GRID1: variants seen among roughly 807,000 people sequenced by gnomAD.
GRID1 encodes glutamate ionotropic receptor delta type subunit 1, also known as glutamate receptor ionotropic, delta-1.
GRID1 carries 28 observed loss-of-function variants against 98.0 expected under a neutral mutation model. The ratio of observed to expected loss-of-function variants is 0.29; its 90% CI spans 0.21 to 0.39. GRID1 has a LOEUF of 0.39. GRID1 is among the 10% of genes least tolerant of loss of function. The probability of loss-of-function intolerance (pLI) is 1.00; values close to 1 mark genes in which losing one functional copy is unlikely to be tolerated. For synonymous variants in GRID1, 553 were observed against 538.5 expected (o/e 1.03, Z -0.37); for missense variants, 1,111 against 1,340.5 (o/e 0.83, Z 2.67).
At chr10:85,664,120 C>T (rs1273157940) in intron 12 of GRID1, among the ~76,000 whole-genome samples, 3 of 152,086 alleles carry the variant, frequency 2.0e-5, no homozygotes, top group East Asian at 1.9e-4. Context: ...CTGAGAGGCC[C>T]GGGAGGGAGC....
chr10:86,034,412 A>C (rs1843227490), intron 4 of GRID1, among the ~76,000 whole-genome samples: 1 of 152,216 alleles, frequency 6.6e-6, no homozygotes, highest in African/African-American at 2.4e-5. Flanking sequence ...CCCTGCACAG[A>C]GATCACCTCA....
intron 3 of GRID1, among the ~76,000 whole-genome samples, chr10:86,181,741 T>G (rs1023709442): frequency 6.6e-6 from 1 of 152,212 alleles, no homozygotes; most frequent in Non-Finnish European, 1.5e-5. Context: ...GAAGAACCTC[T>G]GATTAAGAGA....
intron 2 of GRID1, among the ~76,000 whole-genome samples, chr10:86,233,532 G>T (rs1846489139): frequency 6.6e-6 from 1 of 152,120 alleles, no homozygotes; most frequent in Non-Finnish European, 1.5e-5. Context: ...TCACCCAGGG[G>T]AGCTGCCGGA....
At chr10:85,913,195 C>T (rs551933989) in intron 5 of GRID1, among the ~76,000 whole-genome samples, 1 of 152,268 alleles carries the variant, frequency 6.6e-6, no homozygotes, top group Admixed American at 6.5e-5. Context: ...AGTGTGCATA[C>T]CTGACCCCCA....
At chr10:86,038,371 C>T (rs151162418) in intron 4 of GRID1, among the ~76,000 whole-genome samples, 2 of 152,332 alleles carry the variant, frequency 1.3e-5, no homozygotes, top group African/African-American at 4.8e-5. Flanking sequence ...ATCTGAGACT[C>T]AGATTGAAAT....
At chr10:86,152,927 A>T (rs1269628578) in intron 3 of GRID1, among the ~76,000 whole-genome samples, 1 of 152,248 alleles carries the variant, frequency 6.6e-6, no homozygotes. Flanking sequence ...TTTAATTTAC[A>T]TAATTACTTT....
intron 12 of GRID1, among the ~76,000 whole-genome samples, chr10:85,694,545 G>GAT (rs1841367927): frequency 4.5e-5 from 4 of 88,870 alleles, no homozygotes; most frequent in African/African-American, 9.0e-5. Flanking sequence ...AAGAAAATGT[G>GAT]GTGTGTATAT....
At chr10:86,280,306 G>T (rs1031899706) in intron 2 of GRID1, among the ~76,000 whole-genome samples, 16 of 151,970 alleles carry the variant, frequency 1.1e-4, no homozygotes, top group African/African-American at 3.6e-4. Context: ...AGAGTATTTA[G>T]GGACTAGTCT....
intron 12 of GRID1, among the ~76,000 whole-genome samples, chr10:85,676,296 C>T (rs1468022782): frequency 6.6e-6 from 1 of 152,140 alleles, no homozygotes; most frequent in Non-Finnish European, 1.5e-5. Context: ...TTCCGCAGCC[C>T]ACAGCCAGCA....
rs563132762 is a variant in GRID1 at position 85,979,549 on chromosome 10, C to G, written c.727-63310G>C. On this transcript the variant is annotated intron_variant, in intron 4 of 15. Transcript: ENST00000327946. ...GCCATTTCTCTCTGTATCTTCACAT[C>G]ATCTTCCCTCTGTGTATGTCCTGAA... 6.2e-4 allele frequency among the ~76,000 whole-genome samples: 94 copies of G among 152,332 alleles called. 1 individual carries two copies. In the South Asian group the frequency reaches 9.1e-3, roughly 15 times the overall value.
At chr10:85,759,431 G>C (rs1314572911) in intron 8 of GRID1, among the ~76,000 whole-genome samples, 3 of 152,160 alleles carry the variant, frequency 2.0e-5, no homozygotes, top group Non-Finnish European at 4.4e-5. Flanking sequence ...CCACCACTCT[G>C]TCTTACTGAA....
intron 2 of GRID1, among the ~76,000 whole-genome samples, chr10:86,232,983 T>C (rs1388727670): frequency 2.0e-5 from 3 of 152,204 alleles, no homozygotes; most frequent in African/African-American, 7.2e-5. Context: ...TGCTTGGCTC[T>C]GATAAATACC....
chr10:85,852,617 G>A (rs1843070524), intron 8 of GRID1, among the ~76,000 whole-genome samples: 1 of 152,230 alleles, frequency 6.6e-6, no homozygotes, highest in Non-Finnish European at 1.5e-5. Context: ...CAGGACCGTG[G>A]TCGATGTGAA....
intron 4 of GRID1, among the ~76,000 whole-genome samples, chr10:85,992,091 T>C (rs1232749574): frequency 6.6e-6 from 1 of 152,008 alleles, no homozygotes; most frequent in Admixed American, 6.5e-5. Context: ...AGCCAGCTGG[T>C]GCAAGTGCAG....
intron 4 of GRID1, among the ~76,000 whole-genome samples, chr10:86,123,510 T>C (rs1844707977): frequency 6.6e-6 from 1 of 152,190 alleles, no homozygotes; most frequent in Non-Finnish European, 1.5e-5. Context: ...GTCCACACAC[T>C]GGCATCCCTG....
intron 4 of GRID1, among the ~76,000 whole-genome samples, chr10:86,130,668 C>G (rs916208251): frequency 1.4e-4 from 22 of 152,194 alleles, no homozygotes; most frequent in Admixed American, 1.4e-3. Context: ...TACTGAGAGC[C>G]ACTTCCATCT....
At chr10:86,123,040 A>G (rs12263125) in intron 4 of GRID1, among the ~76,000 whole-genome samples, 7,098 of 152,326 alleles carry the variant, frequency 0.047, 551 homozygotes, top group African/African-American at 0.16. Context: ...AGCTTTGAGG[A>G]TGAACCAGGC....
intron 8 of GRID1, among the ~76,000 whole-genome samples, chr10:85,824,790 GA>G (rs897539929): frequency 3.3e-5 from 5 of 152,082 alleles, no homozygotes; most frequent in African/African-American, 1.2e-4. Flanking sequence ...TTATAATTGA[GA>G]ATGTATATTT....
intron 4 of GRID1, among the ~76,000 whole-genome samples, chr10:85,947,632 C>T (rs1842069708): frequency 2.0e-5 from 3 of 152,160 alleles, no homozygotes; most frequent in African/African-American, 7.2e-5. Flanking sequence ...CAAGAAGCAG[C>T]ACCTGATGCT....
Sources: allele counts gnomAD v4.1 joint callset (sites outside exome capture counted in the v4.1 genomes callset), GRCh38; gene constraint gnomAD v4.1.1; transcripts MANE v1.5; gene names NCBI Gene and HGNC (gene_info 2026-07-23, HGNC 2026-07-21).